Variants in MBP observed in about 807,000 individuals in gnomAD.
MBP encodes myelin basic protein, also known as Golli-MBP.
MBP carries 16 observed loss-of-function variants against 35.8 expected under a neutral mutation model. That is an observed-to-expected ratio of 0.45 (90% confidence interval 0.30 to 0.68). MBP has a LOEUF of 0.68. Among genes scored for constraint, MBP ranks in the 30% least tolerant of loss-of-function variants. The probability of loss-of-function intolerance (pLI) is 0.08; values close to 1 mark genes in which losing one functional copy is unlikely to be tolerated. For synonymous variants in MBP, 143 were observed against 159.6 expected (o/e 0.90, Z 0.78); for missense variants, 380 against 404.7 (o/e 0.94, Z 0.52).
chr18:77,082,275 T>C (rs1031471732), intron 2 of MBP, among the ~76,000 whole-genome samples: 1 of 152,152 alleles, frequency 6.6e-6, no homozygotes, highest in African/African-American at 2.4e-5. Flanking sequence ...TAAAAAGGAA[T>C]GAAGGACTGG....
At position 76,988,434 on chromosome 18, in the gene MBP, T is replaced by C. The variant is rs769342362; in HGVS notation, c.750+61A>G. On this transcript the variant is annotated intron_variant, in intron 7 of 8. Coordinates refer to ENST00000355994, the MANE Select transcript of MBP (RefSeq NM_001025101.2). This position sits in a 1 kb window ranked among gnomAD's most constrained non-coding sequence, Gnocchi z 5.2. ...ACCGAAACAGAGCAGAACACAAAAG[T>C]TGCGGGGCTGTGAGGACTGGGACGG... The C allele has an allele frequency of 4.3e-6, 7 of 1,614,032 alleles. No homozygotes were observed. The African/African-American group carries it at 9.3e-5, about 22-fold the overall frequency.
intron 4 of MBP, among the ~76,000 whole-genome samples, chr18:76,997,941 C>A (rs1568275534): frequency 6.6e-6 from 1 of 152,204 alleles, no homozygotes; most frequent in Non-Finnish European, 1.5e-5. Flanking sequence ...CTCGGCCTCC[C>A]AAAGTGCTGG....
At chr18:77,123,997 T>C (rs1380992482) in intron 1 of MBP, among the ~76,000 whole-genome samples, 3 of 152,154 alleles carry the variant, frequency 2.0e-5, no homozygotes, top group African/African-American at 7.2e-5. Context: ...CTGAGCTCCA[T>C]CCCTTCCCAG....
chr18:77,002,431 T>C (rs1052218188), intron 4 of MBP, among the ~76,000 whole-genome samples: 1 of 152,230 alleles, frequency 6.6e-6, no homozygotes, highest in Non-Finnish European at 1.5e-5. Flanking sequence ...AGTGGCTAAA[T>C]GCAGTAGGGA....
chr18:77,069,022 C>G (rs776189397), intron 2 of MBP: 5 of 483,176 alleles, frequency 1.0e-5, no homozygotes, highest in Non-Finnish European at 2.1e-5. Flanking sequence ...CTCCCAGCAG[C>G]CTGTGACTTC....
chr18:77,059,426 T>C (rs1010644322), intron 3 of MBP, among the ~76,000 whole-genome samples: 3 of 151,660 alleles, frequency 2.0e-5, no homozygotes, highest in African/African-American at 7.2e-5. Context: ...GCTGCTTTAT[T>C]AATTATAATG....
At chr18:77,070,673 C>T (rs1457654883) in intron 2 of MBP, among the ~76,000 whole-genome samples, 3 of 152,180 alleles carry the variant, frequency 2.0e-5, no homozygotes, top group Non-Finnish European at 4.4e-5. Flanking sequence ...TCAAGCTTTC[C>T]CTGGGGGTCA....
Position 77,131,878 on chromosome 18 carries a change from T to C in MBP, c.-26+702A>G. The stretch of plus-strand genomic sequence containing the variant: ...TGCGGGCGGCGCACGTGGGCCCAGG[T>C]GGGCGCAGCGACGGGCCCGGCCGAA... On this transcript the variant is annotated intron_variant, in intron 1 of 8. Coordinates refer to ENST00000355994, the MANE Select transcript of MBP (RefSeq NM_001025101.2). This position sits in a 1 kb window ranked among gnomAD's most constrained non-coding sequence, Gnocchi z 5.5. 6.6e-6 allele frequency among the ~76,000 whole-genome samples: 1 copy of C among 151,642 alleles called. No individual in the cohort carries two copies. Among genetic ancestry groups the C allele is most frequent in the East Asian group, 2.0e-4 (1 of 5,124 alleles).
intron 4 of MBP, among the ~76,000 whole-genome samples, chr18:76,997,219 C>T (rs1292874289): frequency 6.6e-6 from 1 of 152,192 alleles, no homozygotes; most frequent in African/African-American, 2.4e-5. Flanking sequence ...CCAAAGCTCC[C>T]GGCATTTGAC....
At chr18:77,042,748 A>G (rs757901798) in intron 3 of MBP, among the ~76,000 whole-genome samples, 42 of 152,228 alleles carry the variant, frequency 2.8e-4, no homozygotes, top group Non-Finnish European at 4.7e-4. Flanking sequence ...TCTGTTTTTC[A>G]GAAACGGCAT....
chr18:77,130,256 G>A (rs1010870504), intron 1 of MBP, among the ~76,000 whole-genome samples: 1 of 152,012 alleles, frequency 6.6e-6, no homozygotes, highest in Non-Finnish European at 1.5e-5. Context: ...GGAACGAGGA[G>A]CACCTTTGCA....
At chr18:77,126,847 G>A (rs1383062813) in intron 1 of MBP, among the ~76,000 whole-genome samples, 1 of 152,178 alleles carries the variant, frequency 6.6e-6, no homozygotes, top group African/African-American at 2.4e-5. Context: ...CAGAATCTGT[G>A]CACTGAAATT....
chr18:77,082,499 TC>T (rs1173295931), intron 2 of MBP, among the ~76,000 whole-genome samples: 2 of 152,218 alleles, frequency 1.3e-5, no homozygotes, highest in African/African-American at 4.8e-5. Context: ...GTATGGAGTT[TC>T]TTTCAGGGCT....
At chr18:77,025,552 T>G (rs982069716) in intron 3 of MBP, among the ~76,000 whole-genome samples, 13 of 152,146 alleles carry the variant, frequency 8.5e-5, no homozygotes, top group South Asian at 2.1e-4. Flanking sequence ...TCCAACAGTA[T>G]GAAGCTCACC....
intron 1 of MBP, among the ~76,000 whole-genome samples, chr18:77,116,484 C>T (rs182332223): frequency 4.3e-4 from 66 of 152,286 alleles, no homozygotes; most frequent in African/African-American, 1.5e-3. Flanking sequence ...CTCAGGAGAG[C>T]TTGGAGAGCA....
intron 4 of MBP, among the ~76,000 whole-genome samples, chr18:76,992,592 C>T (rs1439284648): frequency 6.6e-6 from 1 of 152,218 alleles, no homozygotes; most frequent in Non-Finnish European, 1.5e-5. Context: ...CTCTTTGTCC[C>T]CTGGGCCCTA....
At chr18:77,009,023 T>G (rs886353896) in intron 4 of MBP, among the ~76,000 whole-genome samples, 4 of 152,248 alleles carry the variant, frequency 2.6e-5, no homozygotes, top group African/African-American at 7.2e-5. Context: ...CTTGAGCAGC[T>G]GTTTCCAATC....
intron 3 of MBP, among the ~76,000 whole-genome samples, chr18:77,049,557 A>G (rs1461770815): frequency 1.3e-5 from 2 of 152,230 alleles, no homozygotes; most frequent in Non-Finnish European, 2.9e-5. Context: ...TTTATTTATT[A>G]TTAGGAAAAG....
intron 3 of MBP, among the ~76,000 whole-genome samples, chr18:77,024,254 T>A (rs1972108545): frequency 6.6e-6 from 1 of 152,244 alleles, no homozygotes; most frequent in Admixed American, 6.5e-5. Context: ...ATTTTGTGAC[T>A]TTTTTCTTTA....
Sources: gnomAD v4.1 joint callset for allele counts (sites outside exome capture counted in the v4.1 genomes callset) on GRCh38, gnomAD v4.1.1 for gene constraint, Gnocchi (gnomAD v3.1) non-coding constraint, MANE v1.5 for transcripts, NCBI Gene and HGNC (gene_info 2026-07-23, HGNC 2026-07-21) for gene names.